EYS: variants seen among roughly 807,000 people sequenced by gnomAD.
The protein encoded by EYS is EGF-like photoreceptor maintenance factor.
In EYS, 250 loss-of-function variants were observed where a neutral mutation model predicts 282.1. That is an observed-to-expected ratio of 0.89 (90% CI 0.80 to 0.98). The LOEUF (loss-of-function observed/expected upper bound fraction) is 0.98, where lower values mean the gene tolerates loss of function less well. Among genes scored for constraint, EYS ranks in the 50% least tolerant of loss-of-function variants. EYS has a pLI of 0.00. For missense variants in EYS, 4,016 were observed against 3,709.0 expected (o/e 1.08, Z -2.15); for synonymous variants, 1,355 against 1,282.9 (o/e 1.06, Z -1.20).
intron 8 of EYS, among the ~76,000 whole-genome samples, chr6:65,372,239 T>C (rs1357173414): frequency 6.6e-6 from 1 of 152,172 alleles, no homozygotes; most frequent in Admixed American, 6.5e-5. Flanking sequence ...CCGATGCTAT[T>C]TTCTTTGATA....
At chr6:64,798,607 G>GTTTTT (rs57597318) in intron 22 of EYS, among the ~76,000 whole-genome samples, 51 of 106,816 alleles carry the variant, frequency 4.8e-4, no homozygotes, top group Admixed American at 9.5e-4. Context: ...TTTGTTTCTG[G>GTTTTT]TTTTTTTTTT....
intron 13 of EYS, among the ~76,000 whole-genome samples, chr6:65,041,508 A>G (rs531890126): frequency 1.3e-5 from 2 of 151,882 alleles, no homozygotes; most frequent in African/African-American, 2.4e-5. Flanking sequence ...CCTGGATTCA[A>G]TAATGGCTCT....
At chr6:64,461,451 C>T (rs867942784) in intron 26 of EYS, among the ~76,000 whole-genome samples, 22 of 152,018 alleles carry the variant, frequency 1.4e-4, no homozygotes, top group African/African-American at 5.1e-4. Flanking sequence ...TGGAGATGAG[C>T]AGTCAGGGAG....
chr6:65,638,352 C>G (rs1767162044), intron 2 of EYS, among the ~76,000 whole-genome samples: 1 of 152,178 alleles, frequency 6.6e-6, no homozygotes, highest in Non-Finnish European at 1.5e-5. Context: ...GAAGTCAAGA[C>G]CAACTGAATG....
chr6:65,087,066 C>G (rs1774402952), intron 12 of EYS, among the ~76,000 whole-genome samples: 1 of 152,124 alleles, frequency 6.6e-6, no homozygotes, highest in African/African-American at 2.4e-5. Flanking sequence ...CATAATCCAC[C>G]TGCCTTGGCC....
chr6:64,303,795 C>A (rs9451281), intron 30 of EYS, among the ~76,000 whole-genome samples: 1 of 142,672 alleles, frequency 7.0e-6, no homozygotes, highest in East Asian at 2.1e-4. Context: ...GAGTCGAGAT[C>A]GCGCCACTGC....
chr6:64,892,020 A>G (rs188670336), intron 18 of EYS, among the ~76,000 whole-genome samples: 17 of 152,088 alleles, frequency 1.1e-4, no homozygotes, highest in Admixed American at 1.1e-3. Flanking sequence ...TACTTTTTCA[A>G]TCACTAAGAT....
chr6:64,361,491 C>T (rs1772003899), intron 29 of EYS, among the ~76,000 whole-genome samples: 1 of 151,708 alleles, frequency 6.6e-6, no homozygotes, highest in Non-Finnish European at 1.5e-5. Context: ...CAAAATATCA[C>T]TTTAAAATAG....
intron 11 of EYS, among the ~76,000 whole-genome samples, chr6:65,305,285 CAGTTTT>C: frequency 6.6e-6 from 1 of 152,268 alleles, no homozygotes. Flanking sequence ...AGGTGTTTGT[CAGTTTT>C]GGCTTTTTTC....
At chr6:64,751,065 C>T (rs1487813497) in intron 22 of EYS, among the ~76,000 whole-genome samples, 1 of 151,988 alleles carries the variant, frequency 6.6e-6, no homozygotes, top group Non-Finnish European at 1.5e-5. Context: ...AGTTTTCATG[C>T]TACAAGCCTG....
chr6:64,954,980 C>T (rs1356175773), intron 14 of EYS, among the ~76,000 whole-genome samples: 1 of 151,980 alleles, frequency 6.6e-6, no homozygotes, highest in Non-Finnish European at 1.5e-5. Flanking sequence ...ACTAGCCTGG[C>T]CAATATGGTG....
At chr6:64,033,124 T>A (rs1472134269) in intron 33 of EYS, among the ~76,000 whole-genome samples, 1 of 152,228 alleles carries the variant, frequency 6.6e-6, no homozygotes, top group African/African-American at 2.4e-5. Context: ...CACATTTAGA[T>A]TTCTTATTAT....
chr6:65,458,146 C>CA (rs1042153218), intron 5 of EYS, among the ~76,000 whole-genome samples: 4 of 152,106 alleles, frequency 2.6e-5, no homozygotes, highest in African/African-American at 9.7e-5. Flanking sequence ...AGGTTAGTTG[C>CA]AACCTCCTAA....
chr6:65,066,628 G>A (rs1415614627), intron 12 of EYS, among the ~76,000 whole-genome samples: 1 of 152,068 alleles, frequency 6.6e-6, no homozygotes, highest in African/African-American at 2.4e-5. Context: ...TCAGTTTTTA[G>A]TCAAAATTAC....
intron 15 of EYS, among the ~76,000 whole-genome samples, chr6:64,922,415 A>G (rs1055706647): frequency 6.6e-6 from 1 of 152,246 alleles, no homozygotes; most frequent in Admixed American, 6.5e-5. Context: ...ATGTAAATGT[A>G]AAAATAAATG....
intron 12 of EYS, among the ~76,000 whole-genome samples, chr6:65,241,218 C>T (rs773334328): frequency 2.0e-5 from 3 of 151,998 alleles, no homozygotes; most frequent in Admixed American, 6.6e-5. Flanking sequence ...AGTAAAATCA[C>T]GAAATAGATA....
At chr6:65,005,884 C>A (rs1011258076) in intron 13 of EYS, among the ~76,000 whole-genome samples, 1 of 152,228 alleles carries the variant, frequency 6.6e-6, no homozygotes, top group African/African-American at 2.4e-5. Context: ...CTGACCCACA[C>A]CTCCTGGGTC....
chr6:63,722,149 C>A (rs762276771), intron 42 of EYS, among the ~76,000 whole-genome samples: 1 of 152,108 alleles, frequency 6.6e-6, no homozygotes, highest in African/African-American at 2.4e-5. Context: ...CCTATAAATT[C>A]TCTGCACATT....
At chr6:65,338,488 A>C (rs1401910769) in intron 10 of EYS, among the ~76,000 whole-genome samples, 1 of 151,100 alleles carries the variant, frequency 6.6e-6, no homozygotes, top group Admixed American at 6.6e-5. Context: ...CATTACATCA[A>C]ACATGTTAAC....
Sources: allele counts gnomAD v4.1 joint callset (sites outside exome capture counted in the v4.1 genomes callset), GRCh38; gene constraint gnomAD v4.1.1; transcripts MANE v1.5; gene names NCBI Gene and HGNC (gene_info 2026-07-23, HGNC 2026-07-21).